TULP4: variants seen among roughly 807,000 people sequenced by gnomAD.
TULP4 encodes the protein TUB like protein 4.
A neutral mutation model predicts 129.0 loss-of-function variants in TULP4; 16 were observed. The observed-to-expected ratio is 0.12, with a 90% CI of 0.08 to 0.19. TULP4 has a LOEUF of 0.19. Among genes scored for constraint, TULP4 ranks in the 10% least tolerant of loss-of-function variants. The pLI is 1.00. For missense variants in TULP4, 1,842 were observed against 2,059.1 expected, an observed-to-expected ratio of 0.89 and a Z score of 2.04; for synonymous variants, 998 against 854.0, an observed-to-expected ratio of 1.17 and a Z score of -2.94.
At chr6:158,322,498 A>G (rs547655416) in intron 1 of TULP4, among the ~76,000 whole-genome samples, 1 of 152,304 alleles carries the variant, frequency 6.6e-6, no homozygotes, top group South Asian at 2.1e-4. Flanking sequence ...GGGCTGTGAA[A>G]ATGGTATATA....
At chr6:158,360,800 C>A (rs1055752366) in intron 1 of TULP4, among the ~76,000 whole-genome samples, 5 of 152,204 alleles carry the variant, frequency 3.3e-5, no homozygotes, top group African/African-American at 1.2e-4. Context: ...GCAAAAAGTA[C>A]AGTTCATGCT....
intron 1 of TULP4, among the ~76,000 whole-genome samples, chr6:158,397,297 G>A (rs1777741137): frequency 6.6e-6 from 1 of 152,120 alleles, no homozygotes; most frequent in South Asian, 2.1e-4. Context: ...CCAGGCACAG[G>A]ATACCATCAC....
intron 6 of TULP4, among the ~76,000 whole-genome samples, chr6:158,473,303 G>A (rs1172966106): frequency 6.6e-6 from 1 of 152,106 alleles, no homozygotes; most frequent in South Asian, 2.1e-4. Flanking sequence ...ATTTTTTCTT[G>A]TAAGTAGATG....
intron 1 of TULP4, among the ~76,000 whole-genome samples, chr6:158,344,742 C>A (rs573048157): frequency 2.6e-5 from 4 of 152,182 alleles, no homozygotes; most frequent in Non-Finnish European, 1.5e-5. Flanking sequence ...AATAACCCTA[C>A]GGTGATCTCT....
chr6:158,331,731 ACG>A (rs1491264864), intron 1 of TULP4, among the ~76,000 whole-genome samples: 8,977 of 18,476 alleles, frequency 0.49, 3,078 homozygotes, highest in South Asian at 0.6. Context: ...ACACACACAT[ACG>A]TATATATATA....
chr6:158,498,547 A>G, intron 11 of TULP4, 122 bp from the exon 12 acceptor site: 4 of 1,248,136 alleles, frequency 3.2e-6, no homozygotes, highest in Non-Finnish European at 4.6e-6. Context: ...GGCCCTGCCT[A>G]CACAGATCTG....
intron 4 of TULP4, 29 bp downstream of exon 4, chr6:158,449,205 C>CT: frequency 1.9e-6 from 3 of 1,592,992 alleles, no homozygotes; most frequent in Non-Finnish European, 2.6e-6. Flanking sequence ...TTCCTTGTCA[C>CT]TGACCAGAAG....
chr6:158,359,895 T>C (rs1053961647), intron 1 of TULP4, among the ~76,000 whole-genome samples: 2 of 152,232 alleles, frequency 1.3e-5, no homozygotes, highest in East Asian at 3.9e-4. Context: ...GGCCTGTCCC[T>C]GTGGACTGGC....
At chr6:158,278,108 G>C (rs1778679334), upstream of TULP4, among the ~76,000 whole-genome samples, 1 of 152,220 alleles carries the variant, frequency 6.6e-6, no homozygotes. Flanking sequence ...CATAGGCACG[G>C]AATAACTGGG....
chr6:158,466,988 G>T (rs1253501752), intron 6 of TULP4, among the ~76,000 whole-genome samples: 1 of 152,122 alleles, frequency 6.6e-6, no homozygotes, highest in East Asian at 1.9e-4. Context: ...AAAGAGGCCT[G>T]TATAGACCCA....
At chr6:158,504,659 AT>A (rs10716708) in intron 13 of TULP4, among the ~76,000 whole-genome samples, 84,679 of 148,370 alleles carry the variant, frequency 0.57, 24,189 homozygotes, top group African/African-American at 0.67. Context: ...CCCAGCCCTA[AT>A]TTTTTTTTTT....
At chr6:158,497,671 T>C (rs192020589) in intron 11 of TULP4, among the ~76,000 whole-genome samples, 9 of 152,354 alleles carry the variant, frequency 5.9e-5, no homozygotes, top group Non-Finnish European at 5.9e-5. Context: ...AAACCAAAAT[T>C]CATATTATCT....
rs1214588833 is a variant in TULP4 at position 158,240,511 on chromosome 6, G to A, written n.68+8208G>A. ...TCCCTCCCGGACAGGGCGGCTGGCCGGGCGGGGGGCTGACCCCCCCACCTC... is the reference window on the plus strand; with the variant it reads ...TCCCTCCCGGACAGGGCGGCTGGCCAGGCGGGGGGCTGACCCCCCCACCTC... On this transcript the variant is annotated intron_variant and non_coding_transcript_variant, in intron 1 of 1. Transcript: ENST00000620026. Among the ~76,000 whole-genome samples, 13 of 86,598 alleles carry A rather than the reference G, an allele frequency of 1.5e-4. 2 individuals are homozygous for A. Among genetic ancestry groups the A allele is most frequent in the Non-Finnish European group, 1.8e-4 (7 of 38,192 alleles). 56.8% of individuals were successfully genotyped at this position (86,598 alleles called of 152,430 possible). A position where few individuals can be genotyped will look rare whatever the true frequency, so the allele number is the denominator to read the frequency against.
chr6:158,288,894 G>T (rs917446535), intron 1 of TULP4, among the ~76,000 whole-genome samples: 3 of 152,150 alleles, frequency 2.0e-5, no homozygotes, highest in Non-Finnish European at 4.4e-5. Flanking sequence ...ATATCTAATA[G>T]ATTATATTTC....
chr6:158,293,435 G>C (rs1339239291), intron 1 of TULP4, among the ~76,000 whole-genome samples: 1 of 152,196 alleles, frequency 6.6e-6, no homozygotes, highest in East Asian at 1.9e-4. Flanking sequence ...TCAGTGCAGG[G>C]GTACTGGTGG....
At chr6:158,298,437 C>G (rs554136500) in intron 1 of TULP4, among the ~76,000 whole-genome samples, 16 of 152,246 alleles carry the variant, frequency 1.1e-4, no homozygotes, top group Non-Finnish European at 2.2e-4. Context: ...CCAGCCGGTC[C>G]CTCCGTTTGG....
intron 1 of TULP4, among the ~76,000 whole-genome samples, chr6:158,324,641 A>G (rs886305655): frequency 4.6e-5 from 7 of 152,146 alleles, no homozygotes; most frequent in Non-Finnish European, 8.8e-5. Context: ...GCTGATGACA[A>G]TTGCCATATA....
chr6:158,420,752 G>A (rs2115030096), intron 2 of TULP4, among the ~76,000 whole-genome samples: 1 of 152,124 alleles, frequency 6.6e-6, no homozygotes, highest in Admixed American at 6.5e-5. Context: ...CCAAAGTGCT[G>A]GGACTACAGG....
chr6:158,502,089 C>G lies in TULP4; in HGVS notation c.2426C>G (p.Pro809Arg). ...QKSAKALRPT[P>R]QLAAEGDAVV... The stretch of plus-strand genomic sequence containing the variant: ...TCAGCCAAGGCCCTGCGGCCAACAC[C>G]GCAGCTGGCAGCTGAGGGGGACGCA... The change falls in exon 13 of 14, where the codon CCG becomes CGG. Residue 809 changes from proline (P) to arginine (R), a missense_variant. This residue lies in a region of TULP4 where 1,089 missense variants were observed against 987.1 expected (regional missense o/e 1.10). Coordinates refer to ENST00000367097, the MANE Select transcript of TULP4 (RefSeq NM_020245.5). 6.2e-7 allele frequency: 1 copy of G among 1,611,882 alleles called. No homozygotes were observed. The highest frequency in any genetic ancestry group is 8.5e-7 in the Non-Finnish European group (1 of 1,178,888).
Sources: gnomAD v4.1 joint callset for allele counts (sites outside exome capture counted in the v4.1 genomes callset) on GRCh38, gnomAD v4.1.1 for gene constraint, gnomAD v4.1.1 regional missense constraint, MANE v1.5 for transcripts, NCBI Gene and HGNC (gene_info 2026-07-23, HGNC 2026-07-21) for gene names.